The following AKAP13 variants were observed in gnomAD, a reference collection of about 807,000 sequenced individuals.
The protein encoded by AKAP13 is A-kinase anchoring protein 13.
A neutral mutation model predicts 264.5 loss-of-function variants in AKAP13; 80 were observed. The observed-to-expected ratio is 0.30, with a 90% CI of 0.25 to 0.36. The LOEUF is 0.36. Among genes scored for constraint, AKAP13 ranks in the 10% least tolerant of loss-of-function variants. The pLI, the probability that AKAP13 is intolerant of heterozygous loss-of-function variation, is 1.00. For missense variants in AKAP13, 3,712 were observed against 3,435.2 expected, an observed-to-expected ratio of 1.08 and a Z score of -2.01; for synonymous variants, 1,380 against 1,250.2, an observed-to-expected ratio of 1.10 and a Z score of -2.19.
intron 3 of AKAP13, among the ~76,000 whole-genome samples, chr15:85,524,874 C>CGT (rs1567105033): frequency 2.5e-5 from 2 of 80,348 alleles, no homozygotes; most frequent in African/African-American, 1.1e-4. Flanking sequence ...TCCCCATTCC[C>CGT]CTGTGTGTGT....
At chr15:85,582,804 G>T in intron 7 of AKAP13, 1 of 909,808 alleles carries the variant, frequency 1.1e-6, no homozygotes, top group South Asian at 5.0e-5. Context: ...CAGTGCAGGG[G>T]ATAGGATGCA....
At chr15:85,565,876 A>G (rs997850736) in intron 5 of AKAP13, among the ~76,000 whole-genome samples, 4 of 152,216 alleles carry the variant, frequency 2.6e-5, no homozygotes, top group Admixed American at 2.0e-4. Flanking sequence ...GAAGTTTGAA[A>G]ACTAGTGTCT....
intron 5 of AKAP13, among the ~76,000 whole-genome samples, chr15:85,547,333 G>A (rs1247033481): frequency 6.6e-6 from 1 of 151,000 alleles, no homozygotes; most frequent in Non-Finnish European, 1.5e-5. Flanking sequence ...GGGGTGTGGG[G>A]AGCCTTGTGC....
intron 23 of AKAP13, among the ~76,000 whole-genome samples, chr15:85,721,148 C>T (rs1042862682): frequency 1.3e-5 from 2 of 152,198 alleles, no homozygotes; most frequent in East Asian, 1.9e-4. Context: ...TGTACAACCC[C>T]TAGTAAGATC....
At chr15:85,598,657 G>C (rs1341649901) in intron 8 of AKAP13, among the ~76,000 whole-genome samples, 1 of 152,144 alleles carries the variant, frequency 6.6e-6, no homozygotes, top group Non-Finnish European at 1.5e-5. Context: ...GCCATGGTGG[G>C]TAAAATAAGA....
chr15:85,589,108 CT>C (rs1372621532), intron 8 of AKAP13, among the ~76,000 whole-genome samples: 9 of 152,176 alleles, frequency 5.9e-5, no homozygotes, highest in Non-Finnish European at 1.3e-4. Context: ...CTCTGACAAA[CT>C]TGCCTTATTT....
chr15:85,744,007 C>A, intron 36 of AKAP13, 182 bp downstream of exon 36: 1 of 678,384 alleles, frequency 1.5e-6, no homozygotes, highest in East Asian at 2.8e-5. Flanking sequence ...ATTAAGAACC[C>A]ACTCTGTGTG....
intron 17 of AKAP13, among the ~76,000 whole-genome samples, chr15:85,705,230 A>G (rs2086161890): frequency 6.6e-6 from 1 of 152,208 alleles, no homozygotes; most frequent in Admixed American, 6.5e-5. Flanking sequence ...TTTTTACGTG[A>G]TAGTGCCACT....
chr15:85,718,020 C>T lies in AKAP13; in HGVS notation c.5862C>T (p.Asp1954=). The change falls in exon 22 of 37, where the codon GAC becomes GAT. Residue 1954 remains aspartate, a synonymous_variant. Transcript: ENST00000394518. The surrounding 1 kb of genome is among the most constrained non-coding windows in gnomAD (Gnocchi z 4.9). Reference sequence around the variant, plus strand: ...TGATATATTGAGGAGTAGGTACAGACATGAATGAAGGACAACTACTGGGAG... The same window carrying T: ...TGATATATTGAGGAGTAGGTACAGATATGAATGAAGGACAACTACTGGGAG... ...ESLTDEGVGT[D]MNEGQLLGDF... The T allele has an allele frequency of 6.2e-7, 1 of 1,614,020 alleles. No individual in the cohort carries two copies. Among genetic ancestry groups the T allele is most frequent in the Non-Finnish European group, 8.5e-7 (1 of 1,179,962 alleles).
intron 10 of AKAP13, among the ~76,000 whole-genome samples, chr15:85,646,278 C>T (rs895111651): frequency 2.0e-5 from 3 of 152,128 alleles, no homozygotes; most frequent in Non-Finnish European, 4.4e-5. Flanking sequence ...AGTTCGAGAC[C>T]AGCCTGGCCA....
At chr15:85,637,208 C>G (rs1026164237) in intron 8 of AKAP13, among the ~76,000 whole-genome samples, 1 of 152,112 alleles carries the variant, frequency 6.6e-6, no homozygotes, top group South Asian at 2.1e-4. Context: ...TCTGTAAGAG[C>G]TTGTGTAGAG....
At chr15:85,673,694 G>GTTTT (rs2084052641) in intron 14 of AKAP13, among the ~76,000 whole-genome samples, 2 of 84,150 alleles carry the variant, frequency 2.4e-5, no homozygotes, top group Non-Finnish European at 4.6e-5. Flanking sequence ...TTTTTTTTTG[G>GTTTT]GGAGACAGAA....
At chr15:85,646,100 C>CT in intron 10 of AKAP13, 146 bp downstream of exon 10, 1 of 1,084,874 alleles carries the variant, frequency 9.2e-7, no homozygotes, top group Non-Finnish European at 1.3e-6. Flanking sequence ...TGTGATCCAG[C>CT]TAGCCTTGTA....
At chr15:85,385,172 T>C (rs1391864250) in intron 1 of AKAP13, among the ~76,000 whole-genome samples, 1 of 152,248 alleles carries the variant, frequency 6.6e-6, no homozygotes, top group Non-Finnish European at 1.5e-5. Context: ...AGAAGTTTGC[T>C]GACCCTTTTT....
intron 5 of AKAP13, among the ~76,000 whole-genome samples, chr15:85,553,817 G>A (rs746943500): frequency 2.0e-5 from 3 of 152,194 alleles, no homozygotes; most frequent in Non-Finnish European, 2.9e-5. Flanking sequence ...AGTCAGTGGT[G>A]ACATTAGATT....
chr15:85,572,309 T>C (rs770498711), intron 5 of AKAP13, among the ~76,000 whole-genome samples: 3 of 152,220 alleles, frequency 2.0e-5, no homozygotes, highest in Non-Finnish European at 4.4e-5. Context: ...ATGCCACTAA[T>C]GTCTGCCACA....
intron 9 of AKAP13, among the ~76,000 whole-genome samples, chr15:85,644,887 C>T (rs776403006): frequency 3.9e-5 from 6 of 152,008 alleles, no homozygotes; most frequent in South Asian, 2.1e-4. Flanking sequence ...TCTCTTTAAC[C>T]GTGTTGGTAC....
intron 1 of AKAP13, among the ~76,000 whole-genome samples, chr15:85,472,407 G>T (rs565748207): frequency 6.6e-6 from 1 of 151,376 alleles, no homozygotes; most frequent in Non-Finnish European, 1.5e-5. Flanking sequence ...AGTCTAAATT[G>T]GGGTAATATA....
In AKAP13 at chr15:85,655,508, G is replaced by A. The variant is rs1322905719; in HGVS notation, c.4466G>A (p.Ser1489Asn). 3 of 1,614,128 alleles carry A rather than the reference G, an allele frequency of 1.9e-6. No homozygotes were observed. Among genetic ancestry groups the A allele is most frequent in the East Asian group, 2.2e-5 (1 of 44,902 alleles). The stretch of plus-strand genomic sequence containing the variant: ...CTGGACCGACATTCTTCTCATGGCA[G>A]TGATGTGTCTCTCTCCCAGATTTTA... ...ASLDRHSSHG[S>N]DVSLSQILKP... is the part of the protein sequence containing the mutation. Residue 1489 changes from serine (S) to asparagine (N), a missense_variant, in exon 11 of 37, where the codon AGT (serine) becomes AAT (asparagine). Ser to Asn is a conservative substitution (Grantham distance 46). This residue lies in a region of AKAP13 where 2,759 missense variants were observed against 2,411.7 expected (regional missense o/e 1.14). Transcript: ENST00000394518.
Sources: allele counts gnomAD v4.1 joint callset (sites outside exome capture counted in the v4.1 genomes callset), GRCh38; gene constraint gnomAD v4.1.1; regional missense constraint gnomAD v4.1.1; non-coding constraint Gnocchi (gnomAD v3.1); transcripts MANE v1.5; gene names NCBI Gene and HGNC (gene_info 2026-07-23, HGNC 2026-07-21).